DENND5B: variants seen among roughly 807,000 people sequenced by gnomAD.
The protein encoded by DENND5B is DENN domain-containing protein 5B.
A neutral mutation model predicts 140.6 loss-of-function variants in DENND5B; 34 were observed. That is an observed-to-expected ratio of 0.24 (90% CI 0.18 to 0.32). DENND5B has a LOEUF of 0.32. Ranked by LOEUF, DENND5B falls within the 10% of genes least tolerant of loss-of-function variation. The pLI is 1.00. For missense variants in DENND5B, 1,142 were observed against 1,560.2 expected (o/e 0.73, Z 4.52); for synonymous variants, 551 against 562.1 (o/e 0.98, Z 0.28).
At chr12:31,402,735 G>T in intron 14 of DENND5B, 92 bp from the exon 15 acceptor site, 1 of 1,424,242 alleles carries the variant, frequency 7.0e-7, no homozygotes, top group Non-Finnish European at 9.3e-7. Context: ...GGTTTTCATT[G>T]ATAATTTGCT....
At chr12:31,532,341 A>G (rs1948316121) in intron 1 of DENND5B, among the ~76,000 whole-genome samples, 1 of 152,184 alleles carries the variant, frequency 6.6e-6, no homozygotes, top group South Asian at 2.1e-4. Context: ...GCAAAGATAC[A>G]GGAAGAGAGG....
At chr12:31,504,659 C>T (rs1482793933) in intron 1 of DENND5B, among the ~76,000 whole-genome samples, 2 of 152,174 alleles carry the variant, frequency 1.3e-5, no homozygotes, top group Admixed American at 1.3e-4. Context: ...CTATCCACTT[C>T]CATCATAGCC....
chr12:31,516,288 C>A (rs1047473276), intron 1 of DENND5B, among the ~76,000 whole-genome samples: 2 of 151,892 alleles, frequency 1.3e-5, no homozygotes, highest in Non-Finnish European at 2.9e-5. Context: ...CCAGCCTGGG[C>A]AACATGGCAA....
At chr12:31,509,181 T>G (rs1012715854) in intron 1 of DENND5B, among the ~76,000 whole-genome samples, 1 of 152,130 alleles carries the variant, frequency 6.6e-6, no homozygotes, top group East Asian at 1.9e-4. Context: ...ACCAAGAATC[T>G]CCACTTGCTG....
chr12:31,471,037 T>A (rs1032872576), intron 3 of DENND5B, among the ~76,000 whole-genome samples: 1 of 152,176 alleles, frequency 6.6e-6, no homozygotes, highest in Non-Finnish European at 1.5e-5. Context: ...AAAAGTTAAA[T>A]ATAAAATCCC....
chr12:31,499,294 A>G (rs186151677), intron 1 of DENND5B, among the ~76,000 whole-genome samples: 8 of 152,368 alleles, frequency 5.3e-5, no homozygotes, highest in Admixed American at 2.0e-4. Flanking sequence ...CTACAACTAC[A>G]TATCAACTTA....
rs538727512 is a variant in DENND5B, at chr12:31,492,500, T to C, written c.237+3310A>G. Among the ~76,000 whole-genome samples the C allele has an allele frequency of 6.6e-5, 10 of 152,282 alleles. No homozygotes were observed. In the South Asian group the frequency reaches 2.1e-3, roughly 32 times the overall value. ...GGCATGGTGCCACCACACCCAGCTA[T>C]TTCTTTTTTAATTTGTAGAGACAGG... On this transcript the variant is annotated intron_variant, in intron 2 of 20. Coordinates refer to ENST00000389082, the MANE Select transcript of DENND5B (RefSeq NM_144973.4).
chr12:31,474,580 A>C (rs1945707471), intron 3 of DENND5B, among the ~76,000 whole-genome samples: 1 of 152,240 alleles, frequency 6.6e-6, no homozygotes, highest in Non-Finnish European at 1.5e-5. Flanking sequence ...TCAGTCTAGA[A>C]GGACATTTTC....
intron 7 of DENND5B, among the ~76,000 whole-genome samples, chr12:31,436,595 C>A (rs545959287): frequency 6.6e-6 from 1 of 151,744 alleles, no homozygotes; most frequent in Admixed American, 6.6e-5. Context: ...AGTGCAATGC[C>A]GCAATCTCAG....
chr12:31,513,589 C>G (rs1010516276), intron 1 of DENND5B, among the ~76,000 whole-genome samples: 1 of 152,182 alleles, frequency 6.6e-6, no homozygotes, highest in Admixed American at 6.5e-5. Context: ...CCAGTTTGGG[C>G]CATTTACAAC....
chr12:31,485,008 C>T (rs1233457452), intron 2 of DENND5B, among the ~76,000 whole-genome samples: 1 of 152,072 alleles, frequency 6.6e-6, no homozygotes, highest in Admixed American at 6.5e-5. Flanking sequence ...GCCAAACTTG[C>T]ACCAAAAAAA....
chr12:31,464,446 T>A (rs1295307467), intron 3 of DENND5B, among the ~76,000 whole-genome samples: 1 of 152,194 alleles, frequency 6.6e-6, no homozygotes, highest in Non-Finnish European at 1.5e-5. Context: ...TTTATTTCCA[T>A]CCCAGGAATT....
chr12:31,487,330 T>C (rs541070435), intron 2 of DENND5B, among the ~76,000 whole-genome samples: 2 of 152,338 alleles, frequency 1.3e-5, no homozygotes, highest in South Asian at 2.1e-4. Flanking sequence ...CAGAATCTTT[T>C]AATAATTCTA....
intron 1 of DENND5B, chr12:31,540,864 T>C: frequency 3.1e-6 from 1 of 323,422 alleles, no homozygotes; most frequent in South Asian, 2.6e-5. Context: ...ATTAGACCAG[T>C]GAAACAGTCT....
intron 1 of DENND5B, chr12:31,534,681 G>C (rs1030534343): frequency 3.8e-6 from 1 of 259,810 alleles, no homozygotes; most frequent in Non-Finnish European, 8.0e-6. Flanking sequence ...AGGAGCCACT[G>C]GTACTTAGAC....
chr12:31,473,610 A>T (rs1313308172), intron 3 of DENND5B, among the ~76,000 whole-genome samples: 1 of 152,190 alleles, frequency 6.6e-6, no homozygotes, highest in Non-Finnish European at 1.5e-5. Context: ...CCTCCCAGTG[A>T]CAACTATCAG....
At chr12:31,458,703 T>C (rs1438302044) in intron 4 of DENND5B, among the ~76,000 whole-genome samples, 1 of 152,194 alleles carries the variant, frequency 6.6e-6, no homozygotes, top group Non-Finnish European at 1.5e-5. Flanking sequence ...TGTGGCTTAG[T>C]GTGTTAAATT....
At chr12:31,477,422 G>A (rs1945870030) in intron 3 of DENND5B, 1 of 152,172 alleles carries the variant, frequency 6.6e-6, no homozygotes, top group South Asian at 2.1e-4. Context: ...AATGGAAGCA[G>A]TGAGTCCTCA....
rs912083831 is a variant in DENND5B at position 31,508,965 on chromosome 12, G to A, written c.128-13046C>T. Reference sequence around the variant, plus strand: ...ACCTTTGGGGGAGGGGCGAGGTGGAGCCATTTTAACCACTTTTTGAAGTCT... The same window carrying A: ...ACCTTTGGGGGAGGGGCGAGGTGGAACCATTTTAACCACTTTTTGAAGTCT... On this transcript the variant is annotated intron_variant, in intron 1 of 20. Transcript: ENST00000389082. 7.9e-5 allele frequency among the ~76,000 whole-genome samples: 12 copies of A among 152,148 alleles called. No individual in the cohort carries two copies. The South Asian group carries it at 1.3e-3, about 16-fold the overall frequency.
Sources: allele counts gnomAD v4.1 joint callset (sites outside exome capture counted in the v4.1 genomes callset), GRCh38; gene constraint gnomAD v4.1.1; transcripts MANE v1.5; gene names NCBI Gene and HGNC (gene_info 2026-07-23, HGNC 2026-07-21).